SYK: variants seen among roughly 807,000 people sequenced by gnomAD.
SYK encodes the protein spleen associated tyrosine kinase, also known as tyrosine-protein kinase SYK.
In SYK, 16 loss-of-function variants were observed where a neutral mutation model predicts 77.8. The ratio of observed to expected loss-of-function variants is 0.21; its 90% CI spans 0.14 to 0.31. SYK has a LOEUF of 0.31. Ranked by LOEUF, SYK falls within the 10% of genes least tolerant of loss-of-function variation. The pLI is 1.00. For synonymous variants in SYK, 312 were observed against 308.7 expected (o/e 1.01, Z -0.11); for missense variants, 529 against 814.4 (o/e 0.65, Z 4.26).
chr9:90,885,046 T>C (rs1337130362), intron 11 of SYK, among the ~76,000 whole-genome samples: 1 of 149,384 alleles, frequency 6.7e-6, no homozygotes, highest in Admixed American at 6.7e-5. Flanking sequence ...ACAAAAGCAA[T>C]TTCAAAAAAC....
intron 1 of SYK, among the ~76,000 whole-genome samples, chr9:90,833,795 G>A (rs1338426082): frequency 2.6e-5 from 4 of 152,338 alleles, no homozygotes; most frequent in African/African-American, 9.6e-5. Flanking sequence ...TTTAGTCCTG[G>A]CATAGGGGAA....
chr9:90,820,705 A>G (rs1199388342), intron 1 of SYK, among the ~76,000 whole-genome samples: 1 of 152,180 alleles, frequency 6.6e-6, no homozygotes, highest in Non-Finnish European at 1.5e-5. Flanking sequence ...GGTCTCTGAC[A>G]TGGCCTGGAG....
intron 1 of SYK, among the ~76,000 whole-genome samples, chr9:90,842,381 G>T (rs1305584398): frequency 6.6e-6 from 1 of 151,034 alleles, no homozygotes; most frequent in Non-Finnish European, 1.5e-5. Context: ...GATGTGTGTA[G>T]TGCGCATGTA....
chr9:90,885,880 T>A (rs988845226), intron 11 of SYK, among the ~76,000 whole-genome samples: 5 of 152,162 alleles, frequency 3.3e-5, no homozygotes, highest in Non-Finnish European at 7.4e-5. Context: ...GGGATGACAT[T>A]TTCAAAGTGC....
At chr9:90,877,172 C>T (rs944675521) in intron 9 of SYK, among the ~76,000 whole-genome samples, 19 of 152,180 alleles carry the variant, frequency 1.2e-4, no homozygotes, top group African/African-American at 4.1e-4. Context: ...ACCTCAGCCT[C>T]CCGAGCAGCT....
rs775342054 is a variant in SYK, at chr9:90,867,102, CTGTTCCTCTTTGCCGT to C, written c.847-25_847-10del. On this transcript the variant is annotated splice_polypyrimidine_tract_variant and intron_variant, in intron 6 of 13. Coordinates refer to ENST00000375754, the MANE Select transcript of SYK (RefSeq NM_003177.7). Reference sequence around the variant, plus strand: ...CTGTATTTGTTTTCTGAAACATTTACTGTTCCTCTTTGCCGTTGTGGTTTCTAGACTTGGTCAGCGG... The same window carrying C: ...CTGTATTTGTTTTCTGAAACATTTACTGTGGTTTCTAGACTTGGTCAGCGG... 2 of 1,612,724 alleles carry C rather than the reference CTGTTCCTCTTTGCCGT, an allele frequency of 1.2e-6. No individual in the cohort carries two copies. The highest frequency in any genetic ancestry group is 2.2e-5 in the South Asian group (2 of 91,048).
Position 90,824,001 on chromosome 9 carries a change from CAAGAAAAAAAA to C in SYK, c.-41-19846_-41-19836del, listed in dbSNP as rs556529776. On this transcript the variant is annotated intron_variant, in intron 1 of 13. Transcript: ENST00000375754. ...TCAACCAAATTGATAAACCTTTAAC[CAAGAAAAAAAA>C]AAGAAAAAAATGTAGAAGATGCAAT... Among the ~76,000 whole-genome samples, 168 of 146,220 alleles carry C rather than the reference CAAGAAAAAAAA, an allele frequency of 1.1e-3. 1 individual carries two copies. Among genetic ancestry groups the C allele is most frequent in the Non-Finnish European group, 1.8e-3 (120 of 66,270 alleles).
intron 1 of SYK, among the ~76,000 whole-genome samples, chr9:90,828,596 T>C (rs1158393976): frequency 6.6e-6 from 1 of 152,158 alleles, no homozygotes; most frequent in African/African-American, 2.4e-5. Context: ...CAAAAGAGCA[T>C]GCAAGGGACA....
At chr9:90,862,413 T>G (rs184039115) in intron 4 of SYK, 69 bp downstream of exon 4, 173 of 1,533,120 alleles carry the variant, frequency 1.1e-4, no homozygotes, top group Non-Finnish European at 1.4e-4. Context: ...TCCCATGGAC[T>G]CTTAGACATG....
In SYK at chr9:90,896,314, C is replaced by G. The variant is rs201640049; in HGVS notation, c.*714C>G. 7.3e-5 allele frequency: 17 copies of G among 233,168 alleles called. No homozygotes were observed. The highest frequency in any genetic ancestry group is 3.5e-4 in the African/African-American group (16 of 45,344). The allele number at this position is 233,168 out of a possible 1,614,324, so 14.4% of individuals were successfully genotyped here. ...AGAATGAATTGGCTTGGCTTACTTT[C>G]CCCCTGAAATCCTCTCTCCTGCAGA... is the stretch of plus-strand genomic sequence containing the variant. On this transcript the variant is annotated 3_prime_UTR_variant, in exon 14 of 14. Coordinates refer to ENST00000375754, the MANE Select transcript of SYK (RefSeq NM_003177.7).
intron 1 of SYK, among the ~76,000 whole-genome samples, chr9:90,807,716 AAGTTG>A (rs1215343612): frequency 6.6e-6 from 1 of 152,210 alleles, no homozygotes; most frequent in East Asian, 1.9e-4. Context: ...TCTTTTAGGA[AAGTTG>A]TCCATTGCAT....
chr9:90,808,265 T>C (rs1055456800), intron 1 of SYK, among the ~76,000 whole-genome samples: 13 of 152,186 alleles, frequency 8.5e-5, no homozygotes, highest in African/African-American at 2.9e-4. Context: ...AAGCAGGTGG[T>C]TAATTTCCAA....
chr9:90,824,594 A>T (rs2118443805), intron 1 of SYK, among the ~76,000 whole-genome samples: 1 of 152,310 alleles, frequency 6.6e-6, no homozygotes, highest in East Asian at 1.9e-4. Context: ...GTGATACATC[A>T]CATCAATGGG....
chr9:90,819,731 AC>A (rs1247949407), intron 1 of SYK, among the ~76,000 whole-genome samples: 2 of 151,858 alleles, frequency 1.3e-5, no homozygotes, highest in African/African-American at 4.8e-5. Flanking sequence ...CATATCACCC[AC>A]CCCTGGCCCC....
At chr9:90,849,891 G>A (rs752511198) in intron 3 of SYK, among the ~76,000 whole-genome samples, 1 of 152,250 alleles carries the variant, frequency 6.6e-6, no homozygotes, top group Non-Finnish European at 1.5e-5. Flanking sequence ...CCTGCTGCAC[G>A]GTGCTTGGCA....
Position 90,895,692 on chromosome 9 carries a change from TG to T in SYK, c.*93del. ...GAATTGATTGTCAGCCACCTCCCTC[TG>T]CCAGTCGGGAGAGCCAGGCTTGGAT... is the stretch of plus-strand genomic sequence containing the variant. On this transcript the variant is annotated 3_prime_UTR_variant, in exon 14 of 14. Transcript: ENST00000375754. The surrounding 1 kb of genome is among the most constrained non-coding windows in gnomAD (Gnocchi z 4.4). 1 of 1,244,634 alleles carries T rather than the reference TG, an allele frequency of 8.0e-7. No individual in the cohort carries two copies. The highest frequency in any genetic ancestry group is 1.2e-6 in the Non-Finnish European group (1 of 858,240). The allele number at this position is 1,244,634 out of a possible 1,614,324, so 77.1% of individuals were successfully genotyped here. A position where few individuals can be genotyped will look rare whatever the true frequency, so the allele number is the denominator to read the frequency against.
At chr9:90,809,429 G>T (rs1824988383) in intron 1 of SYK, among the ~76,000 whole-genome samples, 1 of 152,190 alleles carries the variant, frequency 6.6e-6, no homozygotes, top group African/African-American at 2.4e-5. Flanking sequence ...GCGTAAAAGA[G>T]GATCTGCTGT....
intron 1 of SYK, among the ~76,000 whole-genome samples, chr9:90,828,235 G>GCCCCCCCCCCCCCCC (rs60327886): frequency 3.6e-5 from 2 of 55,420 alleles, no homozygotes; most frequent in Admixed American, 1.7e-4. Flanking sequence ...CCTCACCCCC[G>GCCCCCCCCCCCCCCC]CCCCCCCCCC....
At chr9:90,821,309 G>A (rs1297452183) in intron 1 of SYK, among the ~76,000 whole-genome samples, 2 of 152,108 alleles carry the variant, frequency 1.3e-5, no homozygotes, top group African/African-American at 4.8e-5. Context: ...CCAATTTACT[G>A]TATTTGTTTA....
Sources: gnomAD v4.1 joint callset for allele counts (sites outside exome capture counted in the v4.1 genomes callset) on GRCh38, gnomAD v4.1.1 for gene constraint, Gnocchi (gnomAD v3.1) non-coding constraint, MANE v1.5 for transcripts, NCBI Gene and HGNC (gene_info 2026-07-23, HGNC 2026-07-21) for gene names.